The following TBC1D20 variants were observed in gnomAD, a reference collection of about 807,000 sequenced individuals.
TBC1D20 encodes the protein TBC1 domain family member 20, also known as chromosome 20 open reading frame 140.
TBC1D20 carries 12 observed loss-of-function variants against 41.6 expected under a neutral mutation model. The observed-to-expected ratio is 0.29, with a 90% CI of 0.18 to 0.47. The LOEUF (loss-of-function observed/expected upper bound fraction) is 0.47. TBC1D20 is among the 20% of genes least tolerant of loss of function. The pLI is 1.00. For missense variants in TBC1D20, 421 were observed against 517.4 expected (o/e 0.81, Z 1.81); for synonymous variants, 205 against 204.8 (o/e 1.00, Z -0.01).
chr20:445,358 G>GA (rs2017313037), intron 2 of TBC1D20, among the ~76,000 whole-genome samples: 1 of 152,174 alleles, frequency 6.6e-6, no homozygotes, highest in African/African-American at 2.4e-5. Flanking sequence ...GACTGCCCAG[G>GA]AGACAATACA....
chr20:442,098 G>T lies in TBC1D20; in HGVS notation c.338-55C>A. ...CATACCAAGCAGCCTAGTTAACAAGGAGGTCGAAGAAGGCCAGCAATGAAT... is the reference window on the plus strand; with the variant it reads ...CATACCAAGCAGCCTAGTTAACAAGTAGGTCGAAGAAGGCCAGCAATGAAT... On this transcript the variant is annotated intron_variant, in intron 3 of 7. Transcript: ENST00000354200. 3 of 1,453,620 alleles carry T rather than the reference G, an allele frequency of 2.1e-6. No individual in the cohort carries two copies. In the South Asian group the frequency reaches 4.3e-5, roughly 21 times the overall value. The allele number at this position is 1,453,620 out of a possible 1,614,324, so 90.0% of individuals were successfully genotyped here.
chr20:454,779 C>T (rs2017513248), intron 1 of TBC1D20, among the ~76,000 whole-genome samples: 1 of 152,072 alleles, frequency 6.6e-6, no homozygotes, highest in Non-Finnish European at 1.5e-5. Context: ...TCAAACCATT[C>T]TCGGGCCTCA....
rs2017159389 is a variant in TBC1D20, at chr20:438,462, A to AG, written c.*123dup. On this transcript the variant is annotated 3_prime_UTR_variant, in exon 8 of 8. Transcript: ENST00000354200. ...AAAGGCAAACACAAACGGGCAGGGC[A>AG]GGGTGGCAGGAATAAAAAACTCTGG... The AG allele has an allele frequency of 1.0e-5, 12 of 1,156,204 alleles. No individual in the cohort carries two copies. The highest frequency in any genetic ancestry group is 2.2e-5 in the Admixed American group (1 of 45,174). 71.6% of individuals were successfully genotyped at this position (1,156,204 alleles called of 1,614,324 possible).
intron 3 of TBC1D20, 25 bp downstream of exon 3, chr20:445,025 T>C (rs2017304907): frequency 6.3e-7 from 1 of 1,587,434 alleles, no homozygotes; most frequent in East Asian, 2.3e-5. Flanking sequence ...TTTCCAAATG[T>C]GGCAGGACCG....
At chr20:458,539 C>T (rs1426817592) in intron 1 of TBC1D20, among the ~76,000 whole-genome samples, 1 of 152,072 alleles carries the variant, frequency 6.6e-6, no homozygotes, top group African/African-American at 2.4e-5. Flanking sequence ...TCTCAAACTC[C>T]TGGGCTCTAG....
chr20:444,517 G>A (rs931076256), intron 3 of TBC1D20, among the ~76,000 whole-genome samples: 4 of 152,108 alleles, frequency 2.6e-5, no homozygotes, highest in Non-Finnish European at 4.4e-5. Context: ...CTTTCTTCCT[G>A]AAATAAAGAG....
chr20:448,064 G>A lies in TBC1D20; in HGVS notation c.81C>T (p.Ala27=), dbSNP rs2017370069. The change falls in exon 2 of 8, where the codon GCC becomes GCT. Residue 27 remains alanine, a synonymous_variant. Transcript: ENST00000354200. ...DGGAEKADFN[A]KRKKKVAEIH... ...TCTCTGCCACTTTCTTTTTCCTTTTGGCGTTAAAGTCTGAAGATAAGGATA... is the reference window on the plus strand; with the variant it reads ...TCTCTGCCACTTTCTTTTTCCTTTTAGCGTTAAAGTCTGAAGATAAGGATA... The A allele has an allele frequency of 1.2e-6, 2 of 1,611,716 alleles. No individual in the cohort carries two copies. Among genetic ancestry groups the A allele is most frequent in the Non-Finnish European group, 1.7e-6 (2 of 1,178,038 alleles).
intron 1 of TBC1D20, among the ~76,000 whole-genome samples, chr20:456,624 T>C (rs1181123661): frequency 6.6e-6 from 1 of 152,164 alleles, no homozygotes; most frequent in African/African-American, 2.4e-5. Flanking sequence ...GAGCGCAGTG[T>C]TGCGATCTCA....
intron 2 of TBC1D20, among the ~76,000 whole-genome samples, chr20:446,628 A>G (rs935107238): frequency 3.3e-5 from 5 of 152,120 alleles, no homozygotes; most frequent in Non-Finnish European, 4.4e-5. Context: ...GGCGTGAGCC[A>G]CTGTGCCCGG....
Position 436,436 on chromosome 20 carries a change from CAGAT to C in TBC1D20, c.*2146_*2149del, listed in dbSNP as rs1406538745. On this transcript the variant is annotated 3_prime_UTR_variant, in exon 8 of 8. Transcript: ENST00000354200. ...TCCTGGTGTCAGCAAAGTTAGAAAA[CAGAT>C]AAACATTCTCCTTCCGAGGCCACAA... The C allele has an allele frequency of 2.6e-5, 4 of 152,674 alleles. No homozygotes were observed. Among genetic ancestry groups the C allele is most frequent in the African/African-American group, 9.6e-5 (4 of 41,458 alleles). 9.5% of individuals were successfully genotyped at this position (152,674 alleles called of 1,614,324 possible). A position where few individuals can be genotyped will look rare whatever the true frequency, so the allele number is the denominator to read the frequency against.
chr20:458,571 C>T (rs910474475), intron 1 of TBC1D20, among the ~76,000 whole-genome samples: 1 of 152,146 alleles, frequency 6.6e-6, no homozygotes, highest in African/African-American at 2.4e-5. Flanking sequence ...CCTCGACCTC[C>T]CAAAGTGCTG....
rs1377486237 is a variant in TBC1D20, at chr20:447,252, AC to A, written c.256+636del. On this transcript the variant is annotated intron_variant, in intron 2 of 7. Transcript: ENST00000354200. ...TGGGATTACAGGCGTGAGCCACCAC[AC>A]CCGGCCCAAAATATGCATTTTTAAA... Among the ~76,000 whole-genome samples, 11 of 150,136 alleles carry A rather than the reference AC, an allele frequency of 7.3e-5. No individual in the cohort carries two copies. The Middle Eastern group carries it at 0.01, about 141-fold the overall frequency.
rs778422685 is a variant in TBC1D20 at position 447,979 on chromosome 20, T to C, written c.166A>G (p.Ser56Gly). The change falls in exon 2 of 8, where the codon AGT becomes GGT. Residue 56 changes from serine to glycine, a missense_variant. This residue lies in a region of TBC1D20 where 150 missense variants were observed against 151.3 expected (regional missense o/e 0.99). Coordinates refer to ENST00000354200, the MANE Select transcript of TBC1D20 (RefSeq NM_144628.4). ...DVAALRRMAI[S>G]EGGLLTDEIR... The stretch of plus-strand genomic sequence containing the variant: ...TCATCAGTCAGGAGCCCTCCTTCAC[T>C]GATAGCCATGCGTCTAAGGGCAGCC... The C allele has an allele frequency of 1.2e-6, 2 of 1,614,096 alleles. No homozygotes were observed. The highest frequency in any genetic ancestry group is 1.1e-5 in the South Asian group (1 of 91,088).
chr20:452,144 T>TAAAAATAC (rs1307926728), intron 1 of TBC1D20, among the ~76,000 whole-genome samples: 3 of 151,916 alleles, frequency 2.0e-5, no homozygotes, highest in African/African-American at 4.8e-5. Flanking sequence ...CCGTCTCTAC[T>TAAAAATAC]AAAAATACAA....
intron 3 of TBC1D20, among the ~76,000 whole-genome samples, chr20:444,130 TAAAA>T (rs75236467): frequency 7.3e-6 from 1 of 136,254 alleles, no homozygotes; most frequent in Non-Finnish European, 1.6e-5. Context: ...ACTCTGTCTT[TAAAA>T]AAAAAAAAAA....
At position 438,832 on chromosome 20, in the gene TBC1D20, G is replaced by C. The variant is rs762210098; in HGVS notation, c.966C>G (p.Ala322=). The change falls in exon 8 of 8, where the codon GCC becomes GCG. Residue 322 remains alanine, a synonymous_variant. Coordinates refer to ENST00000354200, the MANE Select transcript of TBC1D20 (RefSeq NM_144628.4). ...AAQQQAERTA[A]STFKDFELAS... ...CCAGCTCAAAGTCTTTGAAAGTAGA[G>C]GCTGCCGTCCTGCAGGGGAAAGAGA... The C allele has an allele frequency of 1.1e-4, 184 of 1,613,172 alleles. No individual in the cohort carries two copies. The highest frequency in any genetic ancestry group is 1.6e-4 in the Non-Finnish European group (184 of 1,179,298).
intron 5 of TBC1D20, chr20:441,232 G>C (rs1468233502): frequency 2.5e-5 from 5 of 203,864 alleles, no homozygotes; most frequent in Non-Finnish European, 4.9e-5. Flanking sequence ...TTTGGTACTT[G>C]GGAAATAAAA....
At chr20:444,971 C>G in intron 3 of TBC1D20, 79 bp downstream of exon 3, 1 of 1,320,686 alleles carries the variant, frequency 7.6e-7, no homozygotes, top group South Asian at 1.3e-5. Context: ...GCGGCAGGGT[C>G]CAGCATATTA....
At chr20:456,524 T>C (rs2017542234) in intron 1 of TBC1D20, among the ~76,000 whole-genome samples, 2 of 152,204 alleles carry the variant, frequency 1.3e-5, no homozygotes, top group Admixed American at 1.3e-4. Flanking sequence ...TAATAGAATC[T>C]GAGGGATTAT....
Sources: gnomAD v4.1 joint callset for allele counts (sites outside exome capture counted in the v4.1 genomes callset) on GRCh38, gnomAD v4.1.1 for gene constraint, gnomAD v4.1.1 regional missense constraint, MANE v1.5 for transcripts, NCBI Gene and HGNC (gene_info 2026-07-23, HGNC 2026-07-21) for gene names.